The following ZDHHC2 variants were observed in gnomAD, a reference collection of about 807,000 sequenced individuals.
ZDHHC2 encodes palmitoyltransferase ZDHHC2.
ZDHHC2 carries 51 observed loss-of-function variants against 55.6 expected under a neutral mutation model. That is an observed-to-expected ratio of 0.92 (90% CI 0.73 to 1.16). ZDHHC2 has a LOEUF of 1.16. Among genes scored for constraint, ZDHHC2 ranks in the 50% most tolerant of loss-of-function variants. ZDHHC2 has a pLI of 0.00. For synonymous variants in ZDHHC2, 199 were observed against 152.9 expected, an observed-to-expected ratio of 1.30 and a Z score of -2.22; for missense variants, 491 against 442.4, an observed-to-expected ratio of 1.11 and a Z score of -0.99.
chr8:17,210,474 C>A lies in ZDHHC2; in HGVS notation c.944C>A (p.Ala315Asp), dbSNP rs777784404. The A allele has an allele frequency of 5.0e-6, 8 of 1,603,020 alleles. No individual in the cohort carries two copies. The Admixed American group carries it at 1.4e-4, about 28-fold the overall frequency. ...ASTPAGLNST[A>D]KNLENHQFPA... is the part of the protein sequence containing the mutation. ...ACTCCTGCAGGGCTGAATTCCACAG[C>A]TAAAAAGTAATCTCATATTTTTTTT... Residue 315 changes from alanine to aspartate, a missense_variant, in exon 10 of 13, where the codon GCT becomes GAT. Ala to Asp is a moderately radical substitution (Grantham distance 126, BLOSUM62 -2). Transcript: ENST00000262096.
In ZDHHC2 at chr8:17,224,786, T is replaced by A. The variant is rs1356681029; in HGVS notation, c.*4565T>A. 6.6e-6 allele frequency: 1 copy of A among 151,750 alleles called. No homozygotes were observed. Among genetic ancestry groups the A allele is most frequent in the Non-Finnish European group, 1.5e-5 (1 of 67,696 alleles). The allele number at this position is 151,750 out of a possible 1,614,324, so 9.4% of individuals were successfully genotyped here. On this transcript the variant is annotated 3_prime_UTR_variant, in exon 13 of 13. Coordinates refer to ENST00000262096, the MANE Select transcript of ZDHHC2 (RefSeq NM_016353.5). ...CTAATTGAAAACATCTTAAATGAAC[T>A]AATCAAACACTTATTGTGTGAAAGC... is the stretch of plus-strand genomic sequence containing the variant.
rs994370952 is a variant in ZDHHC2 at position 17,220,811 on chromosome 8, C to A, written c.*590C>A. ...GTGGCCTGCAGTTGAAGATCATCAA[C>A]CATTTTTGCCTCACTTAATTCCAGC... On this transcript the variant is annotated 3_prime_UTR_variant, in exon 13 of 13. Coordinates refer to ENST00000262096, the MANE Select transcript of ZDHHC2 (RefSeq NM_016353.5). 1.3e-5 allele frequency: 2 copies of A among 152,128 alleles called. No homozygotes were observed. Among genetic ancestry groups the A allele is most frequent in the South Asian group, 2.1e-4 (1 of 4,832 alleles). 9.4% of individuals were successfully genotyped at this position (152,128 alleles called of 1,614,324 possible). A position where few individuals can be genotyped will look rare whatever the true frequency, so the allele number is the denominator to read the frequency against.
chr8:17,165,799 C>CAGAGAAGGAGAAGG (rs1196410696), intron 1 of ZDHHC2, among the ~76,000 whole-genome samples: 1 of 152,078 alleles, frequency 6.6e-6, no homozygotes, highest in African/African-American at 2.4e-5. Context: ...ATACAGTAGC[C>CAGAGAAGGAGAAGG]AGAGAAGGAG....
intron 4 of ZDHHC2, 31 bp from the exon 5 acceptor site, chr8:17,197,551 T>C (rs756369814): frequency 6.2e-7 from 1 of 1,600,582 alleles, no homozygotes; most frequent in South Asian, 1.1e-5. Flanking sequence ...CAGTGTTAAC[T>C]CTAAGACTAA....
At chr8:17,172,852 A>G (rs1804929510) in intron 1 of ZDHHC2, among the ~76,000 whole-genome samples, 1 of 152,042 alleles carries the variant, frequency 6.6e-6, no homozygotes, top group Non-Finnish European at 1.5e-5. Context: ...TCACCATTTT[A>G]CTGTTGCTCT....
chr8:17,170,271 G>A (rs1804794102), intron 1 of ZDHHC2, among the ~76,000 whole-genome samples: 1 of 152,218 alleles, frequency 6.6e-6, no homozygotes, highest in Admixed American at 6.5e-5. Flanking sequence ...TGAATAGCTG[G>A]ATACTCTCGA....
At chr8:17,190,890 A>G (rs1370733852) in intron 3 of ZDHHC2, among the ~76,000 whole-genome samples, 1 of 151,150 alleles carries the variant, frequency 6.6e-6, no homozygotes, top group Admixed American at 6.6e-5. Flanking sequence ...AAAATGTACA[A>G]TTAAATTATT....
chr8:17,215,982 T>C (rs897662109), intron 11 of ZDHHC2, among the ~76,000 whole-genome samples: 25 of 152,334 alleles, frequency 1.6e-4, no homozygotes, highest in African/African-American at 5.8e-4. Context: ...TAACATCTTT[T>C]AGACTTAGCT....
rs1459049747 is a variant in ZDHHC2 at position 17,199,609 on chromosome 8, C to CTTCTTCTTTATTCT, written c.476+1204_476+1205insTATTCTTTCTTCTT. On this transcript the variant is annotated intron_variant, in intron 6 of 12. Transcript: ENST00000262096. ...TCTTCTTTCTTCTTCTTTATTCTTT[C>CTTCTTCTTTATTCT]TTCTTCTTCTTCTTCCTTTCTTCTT... is the stretch of plus-strand genomic sequence containing the variant. Among the ~76,000 whole-genome samples the CTTCTTCTTTATTCT allele has an allele frequency of 6.8e-4, 15 of 22,046 alleles. 3 individuals carry two copies. The highest frequency in any genetic ancestry group is 1.9e-3 in the Admixed American group (3 of 1,608). The allele number at this position is 22,046 out of a possible 152,430, so 14.5% of individuals were successfully genotyped here. A position where few individuals can be genotyped will look rare whatever the true frequency, so the allele number is the denominator to read the frequency against.
chr8:17,159,434 C>T (rs193258336), intron 1 of ZDHHC2, among the ~76,000 whole-genome samples: 1 of 152,186 alleles, frequency 6.6e-6, no homozygotes, highest in East Asian at 1.9e-4. Context: ...CATCTGCTCT[C>T]AGCTAGGGAT....
chr8:17,197,325 T>C (rs932518450), intron 4 of ZDHHC2, among the ~76,000 whole-genome samples: 8 of 152,214 alleles, frequency 5.3e-5, no homozygotes, highest in African/African-American at 1.9e-4. Flanking sequence ...AGCCTTATTA[T>C]AACTACTGAC....
In ZDHHC2 at chr8:17,172,589, A is replaced by T. The variant is rs540635128; in HGVS notation, c.131-12200A>T. Among the ~76,000 whole-genome samples the T allele has an allele frequency of 2.0e-5, 3 of 152,036 alleles. No individual in the cohort carries two copies. The South Asian group carries it at 6.2e-4, about 32-fold the overall frequency. On this transcript the variant is annotated intron_variant, in intron 1 of 12. Coordinates refer to ENST00000262096, the MANE Select transcript of ZDHHC2 (RefSeq NM_016353.5). ...CAGAGAGTAGATCTCAAGTCTTCTT[A>T]ATGCAGTAAATTATAATAATAAAGA... is the stretch of plus-strand genomic sequence containing the variant.
At chr8:17,189,979 A>G (rs1805934102) in intron 3 of ZDHHC2, among the ~76,000 whole-genome samples, 1 of 152,192 alleles carries the variant, frequency 6.6e-6, no homozygotes, top group East Asian at 1.9e-4. Flanking sequence ...CCTTAAGGAC[A>G]CTTTCTTTTC....
intron 1 of ZDHHC2, among the ~76,000 whole-genome samples, chr8:17,166,160 T>G (rs1038052029): frequency 3.9e-5 from 6 of 152,174 alleles, no homozygotes; most frequent in African/African-American, 1.4e-4. Flanking sequence ...TGAAAAGATC[T>G]TTCTGGCCGC....
At chr8:17,171,512 TC>T (rs1804851312) in intron 1 of ZDHHC2, among the ~76,000 whole-genome samples, 2 of 152,142 alleles carry the variant, frequency 1.3e-5, no homozygotes, top group Admixed American at 1.3e-4. Context: ...ACGTCTTTAT[TC>T]CTTTTTCAGA....
chr8:17,168,235 T>C (rs1452457903), intron 1 of ZDHHC2, among the ~76,000 whole-genome samples: 1 of 152,182 alleles, frequency 6.6e-6, no homozygotes, highest in Non-Finnish European at 1.5e-5. Context: ...GCACTGAGAA[T>C]CTGGGGAAAC....
At chr8:17,172,250 T>A (rs1295134274) in intron 1 of ZDHHC2, among the ~76,000 whole-genome samples, 1 of 152,198 alleles carries the variant, frequency 6.6e-6, no homozygotes, top group African/African-American at 2.4e-5. Context: ...ATCTAGCCCC[T>A]TTTTCAGGGC....
At chr8:17,182,784 C>T (rs962267456) in intron 1 of ZDHHC2, among the ~76,000 whole-genome samples, 2 of 152,022 alleles carry the variant, frequency 1.3e-5, no homozygotes, top group Admixed American at 6.6e-5. Flanking sequence ...GTTTTTGAGA[C>T]AGAGTCTCAC....
intron 3 of ZDHHC2, among the ~76,000 whole-genome samples, chr8:17,190,042 G>C (rs1805937351): frequency 1.3e-5 from 2 of 152,022 alleles, no homozygotes; most frequent in African/African-American, 4.8e-5. Flanking sequence ...GAGTGCCCAG[G>C]ACTTCAATTG....
Sources: allele counts gnomAD v4.1 joint callset (sites outside exome capture counted in the v4.1 genomes callset), GRCh38; gene constraint gnomAD v4.1.1; transcripts MANE v1.5; gene names NCBI Gene and HGNC (gene_info 2026-07-23, HGNC 2026-07-21).